The following NMNAT2 variants were observed in gnomAD, a reference collection of about 807,000 sequenced individuals.
NMNAT2 encodes nicotinamide nucleotide adenylyltransferase 2, also known as nicotinamide/nicotinic acid mononucleotide adenylyltransferase 2.
NMNAT2 carries 11 observed loss-of-function variants against 41.6 expected under a neutral mutation model. The observed-to-expected ratio is 0.26, with a 90% CI of 0.17 to 0.44. The LOEUF (loss-of-function observed/expected upper bound fraction) is 0.44. Among genes scored for constraint, NMNAT2 ranks in the 20% least tolerant of loss-of-function variants. NMNAT2 has a pLI of 1.00. For synonymous variants in NMNAT2, 148 were observed against 151.2 expected (o/e 0.98, Z 0.16); for missense variants, 288 against 407.7 (o/e 0.71, Z 2.53).
rs189044088 is a variant in NMNAT2 at position 183,410,858 on chromosome 1, C to T, written c.85+7325G>A. ...TCAGCCTCCCAAGTAGCTGGGACTACAGCCACATGCCAACACACCCAGCTA... is the reference window on the plus strand; with the variant it reads ...TCAGCCTCCCAAGTAGCTGGGACTATAGCCACATGCCAACACACCCAGCTA... On this transcript the variant is annotated intron_variant, in intron 1 of 10. Coordinates refer to ENST00000287713, the MANE Select transcript of NMNAT2 (RefSeq NM_015039.4). Among the ~76,000 whole-genome samples the T allele has an allele frequency of 3.3e-3, 497 of 151,916 alleles. 4 individuals are homozygous for T. Among genetic ancestry groups the T allele is most frequent in the African/African-American group, 0.012 (483 of 41,424 alleles).
At chr1:183,337,569 CAAAAAAA>C (rs71127343) in intron 1 of NMNAT2, among the ~76,000 whole-genome samples, 2 of 100,652 alleles carry the variant, frequency 2.0e-5, no homozygotes, top group African/African-American at 3.9e-5. Flanking sequence ...CTCTCCACAG[CAAAAAAA>C]AAAAAAAAAA....
intron 1 of NMNAT2, among the ~76,000 whole-genome samples, chr1:183,304,343 A>G (rs995310887): frequency 5.9e-5 from 9 of 152,150 alleles, no homozygotes; most frequent in African/African-American, 1.9e-4. Flanking sequence ...GGTAGATAGC[A>G]TGATAGGAAC....
chr1:183,267,717 A>C (rs641401), intron 8 of NMNAT2, among the ~76,000 whole-genome samples: 147,304 of 152,172 alleles, frequency 0.97, 71,488 homozygotes, highest in East Asian at 1. Flanking sequence ...GAACTGAACT[A>C]TTTTTCTGCT....
At chr1:183,296,181 A>G (rs780731553) in intron 1 of NMNAT2, among the ~76,000 whole-genome samples, 1 of 152,082 alleles carries the variant, frequency 6.6e-6, no homozygotes, top group African/African-American at 2.4e-5. Flanking sequence ...ACTAAATGAT[A>G]GTCTATTGTC....
intron 1 of NMNAT2, among the ~76,000 whole-genome samples, chr1:183,336,300 T>C (rs2811553): frequency 0.71 from 108,581 of 152,196 alleles, 38,890 homozygotes; most frequent in East Asian, 0.9. Context: ...TATATATAAG[T>C]GGCCAATAAC....
At chr1:183,259,006 A>G (rs745989798) in intron 10 of NMNAT2, among the ~76,000 whole-genome samples, 1 of 152,104 alleles carries the variant, frequency 6.6e-6, no homozygotes, top group Non-Finnish European at 1.5e-5. Context: ...CTCTATTGCA[A>G]TTCCCCTGTC....
intron 1 of NMNAT2, among the ~76,000 whole-genome samples, chr1:183,373,842 T>C (rs1021679800): frequency 6.6e-6 from 1 of 152,186 alleles, no homozygotes; most frequent in Non-Finnish European, 1.5e-5. Flanking sequence ...GGTCTCAAAC[T>C]TGTGACCTCA....
At chr1:183,314,769 C>T (rs1662203134) in intron 1 of NMNAT2, among the ~76,000 whole-genome samples, 1 of 152,202 alleles carries the variant, frequency 6.6e-6, no homozygotes, top group African/African-American at 2.4e-5. Context: ...ATCTCAGCTA[C>T]TCAAGAAGCT....
chr1:183,370,659 G>A (rs1663516526), intron 1 of NMNAT2, among the ~76,000 whole-genome samples: 1 of 152,238 alleles, frequency 6.6e-6, no homozygotes, highest in African/African-American at 2.4e-5. Flanking sequence ...CAGCGTTGAG[G>A]AGAGTACTGG....
At chr1:183,327,240 A>T (rs1489599016) in intron 1 of NMNAT2, among the ~76,000 whole-genome samples, 2 of 152,028 alleles carry the variant, frequency 1.3e-5, no homozygotes, top group Non-Finnish European at 2.9e-5. Context: ...TAGTAGAGAC[A>T]GCTGGTCTCT....
At position 183,251,855 on chromosome 1, in the gene NMNAT2, TTGCTGC is replaced by T. The variant is rs61148033; in HGVS notation, c.*780_*785del. ...CGAAAATCTCACTCCTGATCAAAGG[TTGCTGC>T]TGCTGCTGCTGCTGCTGCTACTGCT... On this transcript the variant is annotated 3_prime_UTR_variant, in exon 11 of 11. Transcript: ENST00000287713. 6.1e-5 allele frequency: 10 copies of T among 163,176 alleles called. No homozygotes were observed. The highest frequency in any genetic ancestry group is 1.9e-4 in the East Asian group (1 of 5,322). 10.1% of individuals were successfully genotyped at this position (163,176 alleles called of 1,614,324 possible). A position where few individuals can be genotyped will look rare whatever the true frequency, so the allele number is the denominator to read the frequency against.
At chr1:183,287,743 T>A (rs1571575112) in intron 4 of NMNAT2, among the ~76,000 whole-genome samples, 2 of 152,176 alleles carry the variant, frequency 1.3e-5, no homozygotes, top group African/African-American at 4.8e-5. Context: ...GCTGCCTGGG[T>A]ACCCACCACC....
chr1:183,349,726 G>C (rs1317232295), intron 1 of NMNAT2, among the ~76,000 whole-genome samples: 1 of 152,224 alleles, frequency 6.6e-6, no homozygotes, highest in Non-Finnish European at 1.5e-5. Flanking sequence ...TCCTATCTGC[G>C]TGGTGTAAGG....
rs559934655 is a variant in NMNAT2, at chr1:183,283,876, G to C, written c.574+119C>G. On this transcript the variant is annotated intron_variant, in intron 7 of 10. Transcript: ENST00000287713. ...CTGGGAACGATCCCTCTTCCGAGAG[G>C]AGACCCTGCTGCAAAACAGTCCCTG... 4.3e-6 allele frequency: 4 copies of C among 923,698 alleles called. No individual in the cohort carries two copies. In the African/African-American group the frequency reaches 6.5e-5, roughly 15 times the overall value. 57.2% of individuals were successfully genotyped at this position (923,698 alleles called of 1,614,324 possible). A position where few individuals can be genotyped will look rare whatever the true frequency, so the allele number is the denominator to read the frequency against.
chr1:183,385,223 G>A (rs1321848754), intron 1 of NMNAT2, among the ~76,000 whole-genome samples: 3 of 151,724 alleles, frequency 2.0e-5, no homozygotes, highest in Non-Finnish European at 4.4e-5. Context: ...ACAAAATATG[G>A]AATAGATGCA....
chr1:183,324,817 T>G (rs1662428308), intron 1 of NMNAT2, among the ~76,000 whole-genome samples: 1 of 152,132 alleles, frequency 6.6e-6, no homozygotes, highest in Admixed American at 6.5e-5. Flanking sequence ...TTGCTACCTG[T>G]CTCTTCCATT....
intron 4 of NMNAT2, among the ~76,000 whole-genome samples, chr1:183,288,362 C>T (rs1166283813): frequency 6.6e-6 from 1 of 152,184 alleles, no homozygotes; most frequent in African/African-American, 2.4e-5. Context: ...CTGCCTCATG[C>T]TTGCTAGGTG....
At chr1:183,272,729 G>A (rs762110918) in intron 8 of NMNAT2, among the ~76,000 whole-genome samples, 2 of 152,222 alleles carry the variant, frequency 1.3e-5, no homozygotes, top group Non-Finnish European at 1.5e-5. Context: ...TCCAACAGAC[G>A]GTCTCAGCCG....
At chr1:183,369,602 T>C (rs1286554724) in intron 1 of NMNAT2, among the ~76,000 whole-genome samples, 1 of 151,938 alleles carries the variant, frequency 6.6e-6, no homozygotes, top group East Asian at 1.9e-4. Context: ...TTGTGGTAAA[T>C]ATTCATAGCA....
Sources: gnomAD v4.1 joint callset for allele counts (sites outside exome capture counted in the v4.1 genomes callset) on GRCh38, gnomAD v4.1.1 for gene constraint, MANE v1.5 for transcripts, NCBI Gene and HGNC (gene_info 2026-07-23, HGNC 2026-07-21) for gene names.